Variants in BCAS3 observed in about 807,000 individuals in gnomAD.
The protein encoded by BCAS3 is BCAS4/BCAS3 fusion.
BCAS3 carries 53 observed loss-of-function variants against 116.1 expected under a neutral mutation model. The observed-to-expected ratio is 0.46, with a 90% confidence interval of 0.37 to 0.57. BCAS3 has a LOEUF of 0.57. BCAS3 is among the 20% of genes least tolerant of loss of function. BCAS3 has a pLI of 0.00. For synonymous variants in BCAS3, 391 were observed against 408.2 expected, an observed-to-expected ratio of 0.96 and a Z score of 0.51; for missense variants, 917 against 1,165.4, an observed-to-expected ratio of 0.79 and a Z score of 3.10.
At position 61,040,711 on chromosome 17, in the gene BCAS3, G is replaced by A. The variant is rs1446011640; in HGVS notation, c.1929-81G>A. 4.3e-6 allele frequency: 5 copies of A among 1,160,344 alleles called. No individual in the cohort carries two copies. In the Admixed American group the frequency reaches 8.5e-5, roughly 20 times the overall value. The allele number at this position is 1,160,344 out of a possible 1,614,324, so 71.9% of individuals were successfully genotyped here. ...AAAAGTAGTGTGAGTTTAAGTCACT[G>A]TTCATAAGTGATGACAGTCATGGTG... On this transcript the variant is annotated intron_variant, in intron 18 of 23. Coordinates refer to ENST00000407086, the MANE Select transcript of BCAS3 (RefSeq NM_017679.5).
At chr17:60,841,091 A>G (rs2051856605) in intron 7 of BCAS3, among the ~76,000 whole-genome samples, 1 of 152,170 alleles carries the variant, frequency 6.6e-6, no homozygotes, top group Non-Finnish European at 1.5e-5. Flanking sequence ...TTTTTCATAT[A>G]CTACTTTAAG....
chr17:60,683,351 C>T (rs974146860), intron 2 of BCAS3, among the ~76,000 whole-genome samples: 2 of 152,042 alleles, frequency 1.3e-5, no homozygotes, highest in Admixed American at 6.6e-5. Flanking sequence ...CCAAATATGA[C>T]TTAGAAGCTA....
At chr17:60,886,727 G>C (rs1468667478) in intron 9 of BCAS3, among the ~76,000 whole-genome samples, 1 of 152,110 alleles carries the variant, frequency 6.6e-6, no homozygotes, top group East Asian at 1.9e-4. Flanking sequence ...GTGTGCTCCT[G>C]CTGGGGGGTG....
chr17:61,289,359 G>A (rs887938179), intron 22 of BCAS3, among the ~76,000 whole-genome samples: 11 of 152,090 alleles, frequency 7.2e-5, no homozygotes, highest in Admixed American at 6.5e-4. Flanking sequence ...TTTGCTCTTC[G>A]CTTGTAATTT....
intron 13 of BCAS3, among the ~76,000 whole-genome samples, chr17:60,933,845 T>G (rs1232809384): frequency 2.6e-5 from 4 of 152,220 alleles, no homozygotes; most frequent in African/African-American, 9.6e-5. Flanking sequence ...AAGAATTTAT[T>G]TCCTTTTTTC....
chr17:61,177,387 A>G (rs999699386), intron 22 of BCAS3, among the ~76,000 whole-genome samples: 2 of 152,242 alleles, frequency 1.3e-5, no homozygotes, highest in Non-Finnish European at 2.9e-5. Context: ...AATAGGAATG[A>G]GTTCTTGATA....
chr17:60,939,186 T>C (rs1380769132), intron 13 of BCAS3, among the ~76,000 whole-genome samples: 1 of 152,110 alleles, frequency 6.6e-6, no homozygotes, highest in African/African-American at 2.4e-5. Flanking sequence ...ATTCCAGCAC[T>C]TTGGGAGGCC....
At position 61,131,200 on chromosome 17, in the gene BCAS3, GTGTT is replaced by G. The variant is rs2076323502; in HGVS notation, c.2425+46640_2425+46643del. 6.6e-6 allele frequency among the ~76,000 whole-genome samples: 1 copy of G among 152,202 alleles called. No individual in the cohort carries two copies. Among genetic ancestry groups the G allele is most frequent in the African/African-American group, 2.4e-5 (1 of 41,528 alleles). On this transcript the variant is annotated intron_variant, in intron 22 of 23. Coordinates refer to ENST00000407086, the MANE Select transcript of BCAS3 (RefSeq NM_017679.5). The surrounding 1 kb of genome is among the most constrained non-coding windows in gnomAD (Gnocchi z 4.4). Reference sequence around the variant, plus strand: ...GTTTCAAAATGAAAAAAAATACTATGTGTTTGTAATTTTATGATTATAATTCCAT... The same window carrying G: ...GTTTCAAAATGAAAAAAAATACTATGTGTAATTTTATGATTATAATTCCAT...
rs1391221698 is a variant in BCAS3, at chr17:61,017,336, C to G, written c.1637+1435C>G. Among the ~76,000 whole-genome samples the G allele has an allele frequency of 2.0e-5, 3 of 152,010 alleles. No homozygotes were observed. Among genetic ancestry groups the G allele is most frequent in the Non-Finnish European group, 4.4e-5 (3 of 67,976 alleles). ...TCATAACTTTAAAGTTTCTTTTTTACTTACTGAAGTTAGTCAGTACATAAT... is the reference window on the plus strand; with the variant it reads ...TCATAACTTTAAAGTTTCTTTTTTAGTTACTGAAGTTAGTCAGTACATAAT... On this transcript the variant is annotated intron_variant, in intron 16 of 23. Transcript: ENST00000407086. This position sits in a 1 kb window ranked among gnomAD's most constrained non-coding sequence, Gnocchi z 4.7.
chr17:60,892,858 G>A (rs762228209), intron 10 of BCAS3, among the ~76,000 whole-genome samples: 1 of 151,994 alleles, frequency 6.6e-6, no homozygotes, highest in African/African-American at 2.4e-5. Flanking sequence ...GGAGGTGGAG[G>A]TTGCGGTGAG....
intron 22 of BCAS3, among the ~76,000 whole-genome samples, chr17:61,317,457 A>C (rs1338440478): frequency 6.6e-6 from 1 of 152,192 alleles, no homozygotes; most frequent in Non-Finnish European, 1.5e-5. Context: ...GGCTGGGCTG[A>C]GTCAAGCCGG....
chr17:61,198,520 T>C lies in BCAS3; in HGVS notation c.2425+113956T>C, dbSNP rs1027171899. Among the ~76,000 whole-genome samples the C allele has an allele frequency of 6.6e-6, 1 of 152,190 alleles. No homozygotes were observed. The highest frequency in any genetic ancestry group is 2.4e-5 in the African/African-American group (1 of 41,458). On this transcript the variant is annotated intron_variant, in intron 22 of 23. Transcript: ENST00000407086. This position sits in a 1 kb window ranked among gnomAD's most constrained non-coding sequence, Gnocchi z 5.0. ...TACAACAATTTTATACTAAAACTTTTGGGGGGAAGGGCCATTACCTTAATT... is the reference window on the plus strand; with the variant it reads ...TACAACAATTTTATACTAAAACTTTCGGGGGGAAGGGCCATTACCTTAATT...
At chr17:60,704,004 CAACTT>C (rs922316082) in intron 4 of BCAS3, among the ~76,000 whole-genome samples, 49 of 150,456 alleles carry the variant, frequency 3.3e-4, no homozygotes, top group African/African-American at 1.1e-3. Flanking sequence ...CATTATATGA[CAACTT>C]AAAGCAAAAG....
Position 61,219,996 on chromosome 17 carries a change from G to A in BCAS3, c.2425+135432G>A, listed in dbSNP as rs1204910945. 2.0e-5 allele frequency among the ~76,000 whole-genome samples: 3 copies of A among 152,084 alleles called. No homozygotes were observed. Among genetic ancestry groups the A allele is most frequent in the African/African-American group, 7.2e-5 (3 of 41,428 alleles). The stretch of plus-strand genomic sequence containing the variant: ...TTTCAGAGGAAAATTCTGGTGTGCC[G>A]TTAAAACTAAAGTTTTCGGCCGGGC... On this transcript the variant is annotated intron_variant, in intron 22 of 23. Coordinates refer to ENST00000407086, the MANE Select transcript of BCAS3 (RefSeq NM_017679.5). The surrounding 1 kb of genome is among the most constrained non-coding windows in gnomAD (Gnocchi z 5.2).
chr17:60,763,526 T>C (rs1411542405), intron 6 of BCAS3, among the ~76,000 whole-genome samples: 1 of 152,176 alleles, frequency 6.6e-6, no homozygotes, highest in Non-Finnish European at 1.5e-5. Flanking sequence ...TGAACCAGCC[T>C]TGCATCCCAG....
rs912162054 is a variant in BCAS3, at chr17:61,028,859, G to A, written c.1638-5807G>A. On this transcript the variant is annotated intron_variant, in intron 16 of 23. Transcript: ENST00000407086. This position sits in a 1 kb window ranked among gnomAD's most constrained non-coding sequence, Gnocchi z 4.3. ...TTTAGTCACTTATACTAGACTAAAAGGTTCTCCTTTAAAATGTTACTTTCC... is the reference window on the plus strand; with the variant it reads ...TTTAGTCACTTATACTAGACTAAAAAGTTCTCCTTTAAAATGTTACTTTCC... Among the ~76,000 whole-genome samples the A allele has an allele frequency of 1.3e-5, 2 of 151,838 alleles. No individual in the cohort carries two copies. Among genetic ancestry groups the A allele is most frequent in the Non-Finnish European group, 2.9e-5 (2 of 67,808 alleles).
rs1275282090 is a variant in BCAS3, at chr17:61,104,633, A to T, written c.2425+20069A>T. Among the ~76,000 whole-genome samples, 1 of 152,216 alleles carries T rather than the reference A, an allele frequency of 6.6e-6. No homozygotes were observed. Among genetic ancestry groups the T allele is most frequent in the Admixed American group, 6.5e-5 (1 of 15,280 alleles). On this transcript the variant is annotated intron_variant, in intron 22 of 23. Coordinates refer to ENST00000407086, the MANE Select transcript of BCAS3 (RefSeq NM_017679.5). The surrounding 1 kb of genome is among the most constrained non-coding windows in gnomAD (Gnocchi z 4.1). ...CGCCTTGAGCTCCAAATCGGGTATTACATGTCACCCTGTGAAAGATCCTCT... is the reference window on the plus strand; with the variant it reads ...CGCCTTGAGCTCCAAATCGGGTATTTCATGTCACCCTGTGAAAGATCCTCT...
At chr17:61,257,505 C>G (rs2048883823) in intron 22 of BCAS3, among the ~76,000 whole-genome samples, 1 of 151,540 alleles carries the variant, frequency 6.6e-6, no homozygotes, top group Non-Finnish European at 1.5e-5. Context: ...TTTTACCAAG[C>G]CACCTTCCTT....
chr17:60,929,031 T>C (rs576361968), intron 13 of BCAS3, among the ~76,000 whole-genome samples: 1 of 152,326 alleles, frequency 6.6e-6, no homozygotes, highest in African/African-American at 2.4e-5. Flanking sequence ...TTAAAAATGT[T>C]TTTGTGAGAT....
Sources: allele counts gnomAD v4.1 joint callset (sites outside exome capture counted in the v4.1 genomes callset), GRCh38; gene constraint gnomAD v4.1.1; non-coding constraint Gnocchi (gnomAD v3.1); transcripts MANE v1.5; gene names NCBI Gene and HGNC (gene_info 2026-07-23, HGNC 2026-07-21).